NIPBL: variants seen among roughly 807,000 people sequenced by gnomAD.
NIPBL encodes nipped-B-like protein.
Under a neutral mutation model 321.8 loss-of-function variants are expected in NIPBL, and 19 were observed. The ratio of observed to expected loss-of-function variants is 0.06; its 90% confidence interval spans 0.04 to 0.09. The LOEUF (loss-of-function observed/expected upper bound fraction) is 0.09. Ranked by LOEUF, NIPBL falls within the 10% of genes least tolerant of loss-of-function variation. The pLI, the probability that NIPBL is intolerant of heterozygous loss-of-function variation, is 1.00. For missense variants in NIPBL, 2,210 were observed against 3,327.0 expected, an observed-to-expected ratio of 0.66 and a Z score of 8.26; for synonymous variants, 1,106 against 1,114.1, an observed-to-expected ratio of 0.99 and a Z score of 0.14.
chr5:36,947,766 A>G (rs1466076911), intron 1 of NIPBL, among the ~76,000 whole-genome samples: 1 of 151,996 alleles, frequency 6.6e-6, no homozygotes, highest in African/African-American at 2.4e-5. Context: ...TCCAAGGAGT[A>G]CAGATAGAAA....
intron 21 of NIPBL, among the ~76,000 whole-genome samples, chr5:37,013,201 G>A (rs1237087730): frequency 1.1e-3 from 158 of 147,674 alleles, no homozygotes; most frequent in African/African-American, 3.8e-3. Flanking sequence ...CGGACGGGGC[G>A]GCTGGCCGGG....
intron 5 of NIPBL, 94 bp from the exon 6 acceptor site, chr5:36,962,029 T>TA (rs1317510077): frequency 1.5e-6 from 2 of 1,369,856 alleles, no homozygotes; most frequent in Non-Finnish European, 2.1e-6. Context: ...ATATATAAAC[T>TA]AAGAGATCAG....
chr5:36,917,534 G>A (rs935654533), intron 1 of NIPBL, among the ~76,000 whole-genome samples: 3 of 151,646 alleles, frequency 2.0e-5, no homozygotes, highest in Admixed American at 1.3e-4. Flanking sequence ...TTGCTAAATG[G>A]CATTACTCAT....
At chr5:37,022,441 G>A (rs1173450031) in intron 29 of NIPBL, 51 bp downstream of exon 29, 2 of 1,519,948 alleles carry the variant, frequency 1.3e-6, no homozygotes, top group Non-Finnish European at 1.8e-6. Context: ...TGCCTTTCAA[G>A]CATCATGTTT....
rs148542094 is a variant in NIPBL at position 36,962,198 on chromosome 5, C to T, written c.534C>T (p.Tyr178=). Reference sequence around the variant, plus strand: ...AAAATAGCCCAGTGCCTAGTCCATACGCCCCACAAAGCCCTGCAGGATACA... The same window carrying T: ...AAAATAGCCCAGTGCCTAGTCCATATGCCCCACAAAGCCCTGCAGGATACA... ...PQQNSPVPSP[Y]APQSPAGYMP... is the part of the protein sequence containing the mutation. The change falls in exon 6 of 47, where the codon TAC becomes TAT. Residue 178 remains tyrosine (Y), a synonymous_variant. Transcript: ENST00000282516. The T allele has an allele frequency of 9.5e-5, 153 of 1,614,064 alleles. No individual in the cohort carries two copies. In the African/African-American group the frequency reaches 1.7e-3, roughly 18 times the overall value.
chr5:36,893,214 G>A (rs1262578603), intron 1 of NIPBL, among the ~76,000 whole-genome samples: 2 of 152,090 alleles, frequency 1.3e-5, no homozygotes, highest in African/African-American at 4.8e-5. Flanking sequence ...AAATCTTGTA[G>A]TGAGAACTAT....
Position 36,994,542 on chromosome 5 carries a change from G to A in NIPBL, c.3122-1080G>A, listed in dbSNP as rs1275045005. ...TATCATTTGCATGTTATAAAGGATAGTGTTAATGTTGATTGTAAGTTACTA... is the reference window on the plus strand; with the variant it reads ...TATCATTTGCATGTTATAAAGGATAATGTTAATGTTGATTGTAAGTTACTA... On this transcript the variant is annotated intron_variant, in intron 10 of 46. Transcript: ENST00000282516. Among the ~76,000 whole-genome samples, 3 of 152,064 alleles carry A rather than the reference G, an allele frequency of 2.0e-5. No individual in the cohort carries two copies. The East Asian group carries it at 5.8e-4, about 29-fold the overall frequency.
chr5:37,043,421 G>T (rs1040628781), intron 34 of NIPBL, among the ~76,000 whole-genome samples: 1 of 151,702 alleles, frequency 6.6e-6, no homozygotes. Context: ...CCAGCTACTC[G>T]GGTGGCTGAG....
chr5:37,063,368 C>T (rs189193177), intron 45 of NIPBL, among the ~76,000 whole-genome samples: 3 of 152,250 alleles, frequency 2.0e-5, no homozygotes, highest in African/African-American at 7.2e-5. Context: ...TCTCTTGTAT[C>T]GTCTTAGCAG....
chr5:37,038,352 A>G (rs1013521184), intron 33 of NIPBL, among the ~76,000 whole-genome samples: 1 of 152,006 alleles, frequency 6.6e-6, no homozygotes, highest in African/African-American at 2.4e-5. Flanking sequence ...AAGCTTCCCA[A>G]TTTCCATTAG....
rs779655504 is a variant in NIPBL at position 37,044,587 on chromosome 5, A to T, written c.6250-49A>T. The T allele has an allele frequency of 8.9e-6, 14 of 1,575,512 alleles. 1 individual carries two copies. The South Asian group carries it at 1.5e-4, about 17-fold the overall frequency. On this transcript the variant is annotated intron_variant, in intron 35 of 46. Coordinates refer to ENST00000282516, the MANE Select transcript of NIPBL (RefSeq NM_133433.4). ...AATATTTGTAAAAAGCTAAGTTTTT[A>T]AAATAGTATATTTTTAACTTTTATC...
At chr5:36,944,909 A>C (rs2149587325) in intron 1 of NIPBL, among the ~76,000 whole-genome samples, 1 of 152,320 alleles carries the variant, frequency 6.6e-6, no homozygotes, top group East Asian at 1.9e-4. Context: ...GTTGAGATCT[A>C]GATCTTAATG....
At chr5:36,877,259 T>G in intron 1 of NIPBL, 81 bp downstream of exon 1, 1 of 163,382 alleles carries the variant, frequency 6.1e-6, no homozygotes, top group Non-Finnish European at 1.3e-5. Flanking sequence ...CTCGCTCCCC[T>G]CCCCGCCGTT....
At chr5:36,916,532 G>A (rs1748472836) in intron 1 of NIPBL, among the ~76,000 whole-genome samples, 1 of 152,056 alleles carries the variant, frequency 6.6e-6, no homozygotes, top group Admixed American at 6.6e-5. Flanking sequence ...TTAAGTTCTA[G>A]GGTACATGTG....
At chr5:37,064,500 C>CT (rs746239099) in intron 46 of NIPBL, 27 bp from the exon 47 acceptor site, 1 of 1,608,492 alleles carries the variant, frequency 6.2e-7, no homozygotes, top group Non-Finnish European at 8.5e-7. Context: ...AACACTTGGT[C>CT]TTTTTTCCCC....
At chr5:36,920,142 G>C (rs914049040) in intron 1 of NIPBL, among the ~76,000 whole-genome samples, 3 of 151,754 alleles carry the variant, frequency 2.0e-5, no homozygotes, top group Middle Eastern at 3.4e-3. Flanking sequence ...TGATTTCATG[G>C]GATTAAAAAA....
intron 1 of NIPBL, among the ~76,000 whole-genome samples, chr5:36,918,694 G>A (rs1272232532): frequency 6.6e-6 from 1 of 152,060 alleles, no homozygotes; most frequent in Non-Finnish European, 1.5e-5. Flanking sequence ...TTTGAGATAC[G>A]TTCCATCAAT....
chr5:36,905,770 G>A (rs1252315709), intron 1 of NIPBL, among the ~76,000 whole-genome samples: 1 of 151,322 alleles, frequency 6.6e-6, no homozygotes, highest in Non-Finnish European at 1.5e-5. Flanking sequence ...TTGAGATGAA[G>A]TCTCACTCTG....
intron 1 of NIPBL, among the ~76,000 whole-genome samples, chr5:36,916,834 C>A (rs1244502133): frequency 6.6e-6 from 1 of 152,168 alleles, no homozygotes; most frequent in African/African-American, 2.4e-5. Flanking sequence ...ATGAACTCAT[C>A]CTTTTTTATG....
Sources: allele counts gnomAD v4.1 joint callset (sites outside exome capture counted in the v4.1 genomes callset), GRCh38; gene constraint gnomAD v4.1.1; transcripts MANE v1.5; gene names NCBI Gene and HGNC (gene_info 2026-07-23, HGNC 2026-07-21).